The following ASCC3 variants were observed in gnomAD, a reference collection of about 807,000 sequenced individuals.
ASCC3 encodes the protein ASC-1 complex subunit P200.
A neutral mutation model predicts 256.3 loss-of-function variants in ASCC3; 158 were observed. The observed-to-expected ratio is 0.62, with a 90% CI of 0.54 to 0.70. The LOEUF is 0.70. Among genes scored for constraint, ASCC3 ranks in the 30% least tolerant of loss-of-function variants. The pLI is 0.00. For synonymous variants in ASCC3, 948 were observed against 883.4 expected (o/e 1.07, Z -1.30); for missense variants, 2,259 against 2,626.0 (o/e 0.86, Z 3.05).
rs775588743 is a variant in ASCC3 at position 100,510,117 on chromosome 6, A to G, written c.6286-10T>C. 8.1e-6 allele frequency: 13 copies of G among 1,613,956 alleles called. No individual in the cohort carries two copies. In the Admixed American group the frequency reaches 2.0e-4, roughly 25 times the overall value. Reference sequence around the variant, plus strand: ...AGCTCTCTGGCTTTCCCTGTAAACCAGAAAAAAAGATACAACATTAAAAAT... The same window carrying G: ...AGCTCTCTGGCTTTCCCTGTAAACCGGAAAAAAAGATACAACATTAAAAAT... On this transcript the variant is annotated splice_polypyrimidine_tract_variant and intron_variant, in intron 40 of 41. Transcript: ENST00000369162.
intron 30 of ASCC3, among the ~76,000 whole-genome samples, chr6:100,608,145 T>TGTATATATA (rs769880521): frequency 0.011 from 1,205 of 110,272 alleles, 64 homozygotes; most frequent in African/African-American, 0.036. Context: ...TGTATATATA[T>TGTATATATA]CTATATATAC....
At chr6:100,679,586 A>G in intron 14 of ASCC3, 32 bp downstream of exon 14, 4 of 1,612,856 alleles carry the variant, frequency 2.5e-6, no homozygotes, top group South Asian at 2.2e-5. Flanking sequence ...GGCATGTTAC[A>G]TGCTTTAGTT....
chr6:100,788,014 C>T (rs143897385), intron 8 of ASCC3, among the ~76,000 whole-genome samples: 88 of 151,360 alleles, frequency 5.8e-4, no homozygotes, highest in African/African-American at 2.0e-3. Flanking sequence ...ATTTGCTCCA[C>T]TGAAGACATT....
intron 3 of ASCC3, 127 bp downstream of exon 3, chr6:100,863,937 T>A: frequency 1.1e-6 from 1 of 920,088 alleles, no homozygotes; most frequent in Non-Finnish European, 1.6e-6. Context: ...CTGTCTTTCA[T>A]AATTATGAAT....
At chr6:100,810,664 T>C (rs572068135) in intron 4 of ASCC3, among the ~76,000 whole-genome samples, 11 of 152,240 alleles carry the variant, frequency 7.2e-5, no homozygotes, top group Admixed American at 2.0e-4. Context: ...CCTAAGTAGG[T>C]TGCTTTTGAC....
rs191114011 is a variant in ASCC3 at position 100,813,648 on chromosome 6, T to C, written c.802-7768A>G. Reference sequence around the variant, plus strand: ...GTGTTTGTGTGTGCGTGTATGTGTGTTTGTGTATAAGCAAAGTACCAACAT... The same window carrying C: ...GTGTTTGTGTGTGCGTGTATGTGTGCTTGTGTATAAGCAAAGTACCAACAT... On this transcript the variant is annotated intron_variant, in intron 4 of 41. Coordinates refer to ENST00000369162, the MANE Select transcript of ASCC3 (RefSeq NM_006828.4). Among the ~76,000 whole-genome samples, 32 of 152,154 alleles carry C rather than the reference T, an allele frequency of 2.1e-4. 1 individual carries two copies. Among genetic ancestry groups the C allele is most frequent in the African/African-American group, 7.5e-4 (31 of 41,516 alleles).
rs148030988 is a variant in ASCC3, at chr6:100,792,275, G to A, written c.1395+6438C>T. Among the ~76,000 whole-genome samples the A allele has an allele frequency of 2.6e-3, 392 of 151,872 alleles. 3 individuals are homozygous for A. Among genetic ancestry groups the A allele is most frequent in the African/African-American group, 9.1e-3 (378 of 41,480 alleles). ...AAACAGTGCTAATTGGGTATATTTCGTGAAGCAAATATTTTGCTATACAAT... is the reference window on the plus strand; with the variant it reads ...AAACAGTGCTAATTGGGTATATTTCATGAAGCAAATATTTTGCTATACAAT... On this transcript the variant is annotated intron_variant, in intron 8 of 41. Coordinates refer to ENST00000369162, the MANE Select transcript of ASCC3 (RefSeq NM_006828.4).
chr6:100,616,179 C>T (rs957104744), intron 30 of ASCC3, among the ~76,000 whole-genome samples: 2 of 152,108 alleles, frequency 1.3e-5, no homozygotes, highest in African/African-American at 4.8e-5. Context: ...TCATTAGAAT[C>T]TCCACCAAAT....
intron 4 of ASCC3, among the ~76,000 whole-genome samples, chr6:100,829,304 C>A (rs1399289475): frequency 6.6e-6 from 1 of 152,134 alleles, no homozygotes; most frequent in African/African-American, 2.4e-5. Context: ...GAGGAGGCTC[C>A]GGCCGCACAG....
chr6:100,679,229 C>T, intron 14 of ASCC3, among the ~76,000 whole-genome samples: 1 of 149,628 alleles, frequency 6.7e-6, no homozygotes. Flanking sequence ...AAAAAAAAGC[C>T]TATTTAGGTT....
intron 1 of ASCC3, among the ~76,000 whole-genome samples, chr6:100,871,062 G>A (rs1773716097): frequency 6.6e-6 from 1 of 151,966 alleles, no homozygotes; most frequent in African/African-American, 2.4e-5. Flanking sequence ...GATCGTAGTT[G>A]AGAACCACTG....
chr6:100,655,653 C>G, intron 17 of ASCC3, 46 bp downstream of exon 17: 1 of 1,593,648 alleles, frequency 6.3e-7, no homozygotes, highest in Non-Finnish European at 8.5e-7. Flanking sequence ...CATGAAAGAA[C>G]CAAAAAGAAG....
At chr6:100,686,166 T>C (rs1167102293) in intron 13 of ASCC3, among the ~76,000 whole-genome samples, 2 of 152,218 alleles carry the variant, frequency 1.3e-5, no homozygotes, top group Non-Finnish European at 1.5e-5. Flanking sequence ...CATGGGGTTG[T>C]TGTGAGAAAT....
chr6:100,800,195 G>A (rs1313513414), intron 6 of ASCC3, 105 bp downstream of exon 6: 2 of 1,240,930 alleles, frequency 1.6e-6, no homozygotes, highest in African/African-American at 3.0e-5. Context: ...AACGTGACTT[G>A]AAGTAAAAAT....
In ASCC3 at chr6:100,644,040, T is replaced by C. The variant is rs1215024324; in HGVS notation, c.3723A>G (p.Leu1241=). The C allele has an allele frequency of 5.0e-6, 8 of 1,609,322 alleles. No homozygotes were observed. The highest frequency in any genetic ancestry group is 6.8e-6 in the Non-Finnish European group (8 of 1,176,426). The part of the protein sequence containing the change: ...HIYHSEYFLA[L]KKQVISKEAQ... ...ACATATATACACTTACTTGTTTTTT[T>C]AGAGCTAGAAAATACTCTGAATGAT... The change falls in exon 23 of 42, where the codon CTA becomes CTG. Residue 1241 remains leucine (L), a synonymous_variant. Coordinates refer to ENST00000369162, the MANE Select transcript of ASCC3 (RefSeq NM_006828.4).
At chr6:100,678,009 C>G (rs533604464) in intron 14 of ASCC3, among the ~76,000 whole-genome samples, 14 of 151,918 alleles carry the variant, frequency 9.2e-5, no homozygotes, top group Non-Finnish European at 1.5e-4. Context: ...ATATTTCATA[C>G]TATATTTGAT....
intron 30 of ASCC3, among the ~76,000 whole-genome samples, chr6:100,608,731 T>TTATATATATATA (rs1169558095): frequency 7.4e-4 from 2 of 2,710 alleles, no homozygotes; most frequent in African/African-American, 1.1e-3. Flanking sequence ...TATATATACT[T>TTATATATATATA]TATATATATA....
At chr6:100,631,463 T>G (rs930836516) in intron 25 of ASCC3, among the ~76,000 whole-genome samples, 1 of 151,920 alleles carries the variant, frequency 6.6e-6, no homozygotes, top group South Asian at 2.1e-4. Flanking sequence ...ATAGATGAAT[T>G]TAAATTACTT....
chr6:100,802,380 C>T (rs550284551), intron 5 of ASCC3, among the ~76,000 whole-genome samples: 18 of 152,124 alleles, frequency 1.2e-4, no homozygotes, highest in Admixed American at 5.2e-4. Flanking sequence ...GTGTAAGATG[C>T]CTGCTCCCCT....
Sources: allele counts gnomAD v4.1 joint callset (sites outside exome capture counted in the v4.1 genomes callset), GRCh38; gene constraint gnomAD v4.1.1; transcripts MANE v1.5; gene names NCBI Gene and HGNC (gene_info 2026-07-23, HGNC 2026-07-21).